Variants in VWA3B observed in about 807,000 individuals in gnomAD.
VWA3B encodes the protein von Willebrand factor A domain containing 3B, also known as von Willebrand factor A domain-containing protein 3B.
In VWA3B, 138 loss-of-function variants were observed where a neutral mutation model predicts 158.3. The ratio of observed to expected loss-of-function variants is 0.87; its 90% CI spans 0.76 to 1.00. VWA3B has a LOEUF of 1.00. Ranked by LOEUF, VWA3B falls within the 50% of genes least tolerant of loss-of-function variation. The probability of loss-of-function intolerance (pLI) is 0.00; values close to 1 mark genes in which losing one functional copy is unlikely to be tolerated. For synonymous variants in VWA3B, 596 were observed against 587.3 expected (o/e 1.01, Z -0.21); for missense variants, 1,555 against 1,565.1 (o/e 0.99, Z 0.11).
At chr2:98,180,920 A>T (rs1478822859) in intron 8 of VWA3B, 96 bp from the exon 9 acceptor site, 2 of 1,215,738 alleles carry the variant, frequency 1.6e-6, no homozygotes, top group Non-Finnish European at 1.1e-6. Context: ...CTTTGTGTCT[A>T]ATAAAGAACA....
At chr2:98,175,319 G>A (rs1158256228) in intron 8 of VWA3B, among the ~76,000 whole-genome samples, 1 of 152,092 alleles carries the variant, frequency 6.6e-6, no homozygotes, top group African/African-American at 2.4e-5. Flanking sequence ...AACATAGGAA[G>A]TATAAGAACA....
At chr2:98,143,752 CTT>C (rs534351736) in intron 7 of VWA3B, among the ~76,000 whole-genome samples, 14 of 130,900 alleles carry the variant, frequency 1.1e-4, no homozygotes, top group Middle Eastern at 3.8e-3. Flanking sequence ...CTTTTCTTTT[CTT>C]TTTTTTTTTT....
At chr2:98,235,825 C>A (rs1375630152) in intron 17 of VWA3B, among the ~76,000 whole-genome samples, 2 of 152,220 alleles carry the variant, frequency 1.3e-5, no homozygotes, top group African/African-American at 4.8e-5. Context: ...TTAACTAGCT[C>A]ACACCCAAAC....
At chr2:98,160,826 C>G (rs2105230751) in intron 7 of VWA3B, among the ~76,000 whole-genome samples, 1 of 152,338 alleles carries the variant, frequency 6.6e-6, no homozygotes, top group East Asian at 1.9e-4. Context: ...TTGATGGCCA[C>G]AGAGCCATGG....
chr2:98,243,086 T>G (rs957440004), intron 19 of VWA3B, among the ~76,000 whole-genome samples: 2 of 152,052 alleles, frequency 1.3e-5, no homozygotes, highest in African/African-American at 4.8e-5. Context: ...ATCTTCTTAC[T>G]TTCTGTATAT....
At chr2:98,261,322 ATAGT>A (rs920466798) in intron 21 of VWA3B, among the ~76,000 whole-genome samples, 2 of 151,804 alleles carry the variant, frequency 1.3e-5, no homozygotes, top group African/African-American at 4.8e-5. Flanking sequence ...CCTCTTTCAT[ATAGT>A]TATTGTCACA....
At chr2:98,256,033 G>C in intron 20 of VWA3B, 91 bp from the exon 21 acceptor site, 8 of 1,422,914 alleles carry the variant, frequency 5.6e-6, no homozygotes, top group Non-Finnish European at 7.9e-6. Context: ...ATGATGCTTA[G>C]ATGGGCTCCC....
chr2:98,276,900 C>T (rs943627692), intron 22 of VWA3B, among the ~76,000 whole-genome samples: 1 of 152,184 alleles, frequency 6.6e-6, no homozygotes, highest in Admixed American at 6.5e-5. Context: ...GCTGCCTTGC[C>T]GATTCCTAAG....
chr2:98,145,505 G>A (rs1427075275), intron 7 of VWA3B, among the ~76,000 whole-genome samples: 1 of 152,152 alleles, frequency 6.6e-6, no homozygotes, highest in African/African-American at 2.4e-5. Context: ...CATAACCATT[G>A]CATTATGCTG....
intron 1 of VWA3B, 117 bp from the exon 2 acceptor site, chr2:98,092,944 T>A: frequency 1.6e-6 from 1 of 642,554 alleles, no homozygotes; most frequent in Non-Finnish European, 2.5e-6. Flanking sequence ...ATAATTTTAA[T>A]TGATAAATAG....
intron 14 of VWA3B, among the ~76,000 whole-genome samples, chr2:98,218,235 A>C (rs1291291763): frequency 6.6e-6 from 1 of 152,218 alleles, no homozygotes; most frequent in Admixed American, 6.5e-5. Flanking sequence ...AGATTCCTGC[A>C]TCCCATTTCA....
At chr2:98,319,913 C>A in the VWA3B span, among the ~76,000 whole-genome samples, 1 of 147,834 alleles carries the variant, frequency 6.8e-6, no homozygotes, top group Non-Finnish European at 1.5e-5. Context: ...CACACACTCA[C>A]ACAACAAAAC....
At chr2:98,204,956 C>T (rs745976024) in intron 12 of VWA3B, among the ~76,000 whole-genome samples, 98 of 152,242 alleles carry the variant, frequency 6.4e-4, no homozygotes, top group Non-Finnish European at 1.0e-3. Context: ...ACTTAACATA[C>T]AAAAACTAGC....
At chr2:98,189,163 C>T (rs1360890502) in intron 10 of VWA3B, among the ~76,000 whole-genome samples, 1 of 152,178 alleles carries the variant, frequency 6.6e-6, no homozygotes, top group Non-Finnish European at 1.5e-5. Context: ...AATCCCAGCA[C>T]CTTGGGAGGC....
chr2:98,171,891 C>T (rs571105164), intron 8 of VWA3B, among the ~76,000 whole-genome samples: 24 of 152,198 alleles, frequency 1.6e-4, no homozygotes, highest in African/African-American at 5.1e-4. Flanking sequence ...TCCCTTGTCC[C>T]CTTGCAGGAT....
chr2:98,254,010 T>G (rs1686962021), intron 20 of VWA3B, among the ~76,000 whole-genome samples: 1 of 152,152 alleles, frequency 6.6e-6, no homozygotes, highest in Non-Finnish European at 1.5e-5. Context: ...TATGAAAATG[T>G]GCTCCTGGAA....
Position 98,270,666 on chromosome 2 carries a change from T to A in VWA3B, c.2844-16T>A. 3 of 1,605,198 alleles carry A rather than the reference T, an allele frequency of 1.9e-6. No individual in the cohort carries two copies. The highest frequency in any genetic ancestry group is 8.5e-7 in the Non-Finnish European group (1 of 1,175,326). ...GTTTCTTCCTCTGTTTGTTTGTTTG[T>A]TTCTTTGTTTTTTAGGTTAGATGCA... On this transcript the variant is annotated splice_polypyrimidine_tract_variant and intron_variant, in intron 21 of 27. Coordinates refer to ENST00000477737, the MANE Select transcript of VWA3B (RefSeq NM_144992.5).
At chr2:98,258,557 T>C (rs112683575) in intron 21 of VWA3B, among the ~76,000 whole-genome samples, 1 of 151,852 alleles carries the variant, frequency 6.6e-6, no homozygotes, top group African/African-American at 2.4e-5. Flanking sequence ...TCAGTATACC[T>C]GCCTTTCACA....
At position 98,119,895 on chromosome 2, in the gene VWA3B, A is replaced by G. The variant is rs549078192; in HGVS notation, c.542+132A>G. 17 of 1,180,894 alleles carry G rather than the reference A, an allele frequency of 1.4e-5. No individual in the cohort carries two copies. The African/African-American group carries it at 2.5e-4, about 17-fold the overall frequency. The allele number at this position is 1,180,894 out of a possible 1,614,324, so 73.2% of individuals were successfully genotyped here. ...AGGCATTATCTTATACTTTCCTAGAAGATGTAATTTCAGCAGCAATCCCAC... is the reference window on the plus strand; with the variant it reads ...AGGCATTATCTTATACTTTCCTAGAGGATGTAATTTCAGCAGCAATCCCAC... On this transcript the variant is annotated intron_variant, in intron 4 of 27. Coordinates refer to ENST00000477737, the MANE Select transcript of VWA3B (RefSeq NM_144992.5).
Sources: gnomAD v4.1 joint callset for allele counts (sites outside exome capture counted in the v4.1 genomes callset) on GRCh38, gnomAD v4.1.1 for gene constraint, MANE v1.5 for transcripts, NCBI Gene and HGNC (gene_info 2026-07-23, HGNC 2026-07-21) for gene names.